NRXN3: variants seen among roughly 807,000 people sequenced by gnomAD.
The protein encoded by NRXN3 is neurexin 3, also known as neurexin III.
NRXN3 carries 32 observed loss-of-function variants against 137.6 expected under a neutral mutation model. That is an observed-to-expected ratio of 0.23 (90% CI 0.18 to 0.31). NRXN3 has a LOEUF of 0.31. Among genes scored for constraint, NRXN3 ranks in the 10% least tolerant of loss-of-function variants. NRXN3 has a pLI of 1.00. For synonymous variants in NRXN3, 798 were observed against 784.5 expected (o/e 1.02, Z -0.29); for missense variants, 1,574 against 2,062.5 (o/e 0.76, Z 4.59).
chr14:78,323,868 G>C (rs754615019), intron 4 of NRXN3, among the ~76,000 whole-genome samples: 1 of 152,046 alleles, frequency 6.6e-6, no homozygotes, highest in Non-Finnish European at 1.5e-5. Flanking sequence ...AGCAGGAGAG[G>C]TGGGTTGTGG....
At chr14:78,385,900 T>A (rs1567437562) in intron 4 of NRXN3, among the ~76,000 whole-genome samples, 1 of 152,162 alleles carries the variant, frequency 6.6e-6, no homozygotes, top group Non-Finnish European at 1.5e-5. Context: ...TAGGACTACC[T>A]GTGACAATTG....
intron 15 of NRXN3, among the ~76,000 whole-genome samples, chr14:79,365,491 G>A (rs8008332): frequency 0.38 from 57,034 of 149,866 alleles, 11,952 homozygotes; most frequent in Admixed American, 0.49. Context: ...AGGCCGAGGC[G>A]GGTGGATCAT....
At chr14:79,000,475 G>T (rs1340826863) in intron 15 of NRXN3, among the ~76,000 whole-genome samples, 1 of 152,172 alleles carries the variant, frequency 6.6e-6, no homozygotes, top group Non-Finnish European at 1.5e-5. Flanking sequence ...TGCCTTTGTG[G>T]ATGTTTGGCA....
At chr14:78,619,516 T>C (rs912385287) in intron 4 of NRXN3, among the ~76,000 whole-genome samples, 5 of 152,148 alleles carry the variant, frequency 3.3e-5, no homozygotes, top group African/African-American at 1.2e-4. Flanking sequence ...GAGATTCCCA[T>C]AATCCCCATA....
chr14:78,960,748 A>G (rs903093599), intron 11 of NRXN3, among the ~76,000 whole-genome samples: 3 of 152,204 alleles, frequency 2.0e-5, no homozygotes, highest in Non-Finnish European at 4.4e-5. Context: ...TTGCTAGTAG[A>G]AAAATTTGAC....
At chr14:78,459,071 T>C (rs1028726305) in intron 4 of NRXN3, among the ~76,000 whole-genome samples, 1 of 152,216 alleles carries the variant, frequency 6.6e-6, no homozygotes, top group African/African-American at 2.4e-5. Context: ...ATACTTCAAA[T>C]TCTGCGTTTA....
chr14:79,226,663 G>T (rs1597486920), intron 15 of NRXN3, among the ~76,000 whole-genome samples: 1 of 152,052 alleles, frequency 6.6e-6, no homozygotes, highest in African/African-American at 2.4e-5. Context: ...TACTGGTAAA[G>T]CCTCAGGGTA....
rs1355652440 is a variant in NRXN3, at chr14:78,943,614, AAAAAAAAATATATATATATATAT to A, written c.2276-13626_2276-13604del. Among the ~76,000 whole-genome samples, 397 of 44,150 alleles carry A rather than the reference AAAAAAAAATATATATATATATAT, an allele frequency of 9.0e-3. 10 individuals are homozygous for A. The highest frequency in any genetic ancestry group is 0.013 in the Non-Finnish European group (312 of 23,424). The allele number at this position is 44,150 out of a possible 152,430, so 29.0% of individuals were successfully genotyped here. On this transcript the variant is annotated intron_variant, in intron 10 of 20. Coordinates refer to ENST00000335750, the MANE Select transcript of NRXN3 (RefSeq NM_001330195.2). ...GAAAAGAAGCAAGATCACTGTTAAA[AAAAAAAAATATATATATATATAT>A]ATATATATATATATATATATATATA...
intron 8 of NRXN3, among the ~76,000 whole-genome samples, chr14:78,726,738 CG>C (rs1258423486): frequency 6.6e-6 from 1 of 151,714 alleles, no homozygotes; most frequent in African/African-American, 2.4e-5. Flanking sequence ...AGGCTGGTCT[CG>C]AACTTGTGAG....
At chr14:79,497,749 G>A (rs945288551) in intron 16 of NRXN3, among the ~76,000 whole-genome samples, 1 of 152,186 alleles carries the variant, frequency 6.6e-6, no homozygotes, top group South Asian at 2.1e-4. Context: ...TAAAAAGCCA[G>A]AATGAGGCTG....
chr14:78,920,589 G>T (rs2099268307), intron 10 of NRXN3, among the ~76,000 whole-genome samples: 1 of 152,034 alleles, frequency 6.6e-6, no homozygotes, highest in Admixed American at 6.6e-5. Context: ...CCCAGGTTAA[G>T]GACTCAGTCT....
chr14:78,698,399 T>C (rs1214160909), intron 6 of NRXN3: 1 of 152,108 alleles, frequency 6.6e-6, no homozygotes, highest in Non-Finnish European at 1.5e-5. Flanking sequence ...TTGTCATCTA[T>C]TTTCTTTCAG....
intron 15 of NRXN3, among the ~76,000 whole-genome samples, chr14:79,002,671 A>G (rs750638375): frequency 3.3e-5 from 5 of 152,162 alleles, no homozygotes; most frequent in Non-Finnish European, 7.3e-5. Context: ...TAGTGCTGCA[A>G]TGAACATACG....
chr14:79,342,980 A>G (rs1598924857), intron 15 of NRXN3, among the ~76,000 whole-genome samples: 1 of 151,738 alleles, frequency 6.6e-6, no homozygotes, highest in Non-Finnish European at 1.5e-5. Context: ...GGAAGTGGGG[A>G]TTGGTCAGGT....
chr14:78,373,090 G>T (rs1220776407), intron 4 of NRXN3, among the ~76,000 whole-genome samples: 1 of 152,212 alleles, frequency 6.6e-6, no homozygotes, highest in Non-Finnish European at 1.5e-5. Context: ...TCAAGGCTCA[G>T]ATAACCTTGT....
intron 1 of NRXN3, among the ~76,000 whole-genome samples, chr14:78,224,750 CTTTTTTTTTTTTTT>C (rs35800837): frequency 3.1e-5 from 2 of 64,828 alleles, no homozygotes; most frequent in Admixed American, 2.8e-4. Context: ...GTGCATGTGT[CTTTTTTTTTTTTTT>C]TTTTTTTTTT....
chr14:78,300,686 G>A (rs1249923703), intron 4 of NRXN3: 6 of 1,529,994 alleles, frequency 3.9e-6, no homozygotes. Context: ...GTAGGTAGAA[G>A]TAAAGGTAGA....
intron 10 of NRXN3, among the ~76,000 whole-genome samples, chr14:78,926,715 A>G (rs1417194738): frequency 1.2e-5 from 1 of 83,592 alleles, no homozygotes; most frequent in Non-Finnish European, 2.2e-5. Context: ...ATTATATATT[A>G]TATAATTATA....
chr14:79,084,813 C>A (rs1178285822), intron 15 of NRXN3, among the ~76,000 whole-genome samples: 1 of 152,042 alleles, frequency 6.6e-6, no homozygotes, highest in Non-Finnish European at 1.5e-5. Flanking sequence ...TGAGTTGGTC[C>A]CTTCTGCTTA....
Sources: allele counts gnomAD v4.1 joint callset (sites outside exome capture counted in the v4.1 genomes callset), GRCh38; gene constraint gnomAD v4.1.1; transcripts MANE v1.5; gene names NCBI Gene and HGNC (gene_info 2026-07-23, HGNC 2026-07-21).